The following RGS7 variants were observed in gnomAD, a reference collection of about 807,000 sequenced individuals.
The protein encoded by RGS7 is regulator of G-protein signaling 7.
A neutral mutation model predicts 81.1 loss-of-function variants in RGS7; 27 were observed. That is an observed-to-expected ratio of 0.33 (90% CI 0.25 to 0.46). The LOEUF is 0.46. Ranked by LOEUF, RGS7 falls within the 20% of genes least tolerant of loss-of-function variation. RGS7 has a pLI of 1.00. For synonymous variants in RGS7, 208 were observed against 207.7 expected, an observed-to-expected ratio of 1.00 and a Z score of -0.01; for missense variants, 396 against 607.4, an observed-to-expected ratio of 0.65 and a Z score of 3.66.
At chr1:241,202,078 C>T (rs963161157) in intron 2 of RGS7, among the ~76,000 whole-genome samples, 2 of 150,622 alleles carry the variant, frequency 1.3e-5, no homozygotes, top group African/African-American at 4.9e-5. Flanking sequence ...ACTTCCACAA[C>T]AGTTTGACTC....
intron 2 of RGS7, among the ~76,000 whole-genome samples, chr1:241,174,895 G>GTTTTTTTTTTTT (rs551122102): frequency 4.3e-5 from 3 of 69,230 alleles, no homozygotes; most frequent in East Asian, 5.2e-4. Context: ...ACAGAATTTT[G>GTTTTTTTTTTTT]TTTTTTTTTT....
At chr1:240,994,578 G>A (rs1686989346) in intron 3 of RGS7, among the ~76,000 whole-genome samples, 1 of 151,948 alleles carries the variant, frequency 6.6e-6, no homozygotes, top group East Asian at 1.9e-4. Context: ...CAGATATTTT[G>A]GGATTTAACA....
chr1:240,995,307 C>T (rs556260421), intron 3 of RGS7, among the ~76,000 whole-genome samples: 14 of 152,114 alleles, frequency 9.2e-5, no homozygotes, highest in East Asian at 5.8e-4. Flanking sequence ...CTTTTCTCTA[C>T]GTTATTTTTC....
At chr1:241,098,428 CT>C (rs2064456455) in intron 3 of RGS7, among the ~76,000 whole-genome samples, 1 of 152,152 alleles carries the variant, frequency 6.6e-6, no homozygotes, top group Admixed American at 6.5e-5. Flanking sequence ...TATTGTTTTA[CT>C]TCGCATTTGT....
At chr1:240,802,646 A>C (rs1208436087) in intron 16 of RGS7, among the ~76,000 whole-genome samples, 2 of 152,180 alleles carry the variant, frequency 1.3e-5, no homozygotes, top group Non-Finnish European at 2.9e-5. Context: ...GACTAACATG[A>C]AACATGAAAA....
chr1:240,831,843 G>A (rs1310029929), intron 9 of RGS7, among the ~76,000 whole-genome samples: 1 of 151,978 alleles, frequency 6.6e-6, no homozygotes, highest in Non-Finnish European at 1.5e-5. Context: ...TGCCATGTTG[G>A]CCAGGCTGGT....
intron 2 of RGS7, among the ~76,000 whole-genome samples, chr1:241,180,074 C>T (rs57657143): frequency 0.44 from 67,290 of 151,878 alleles, 15,204 homozygotes; most frequent in Middle Eastern, 0.47. Flanking sequence ...AGTGGAATCT[C>T]TGATAAACAC....
chr1:241,204,936 G>A (rs1468328646), intron 2 of RGS7, among the ~76,000 whole-genome samples: 1 of 152,022 alleles, frequency 6.6e-6, no homozygotes, highest in East Asian at 1.9e-4. Flanking sequence ...ATACACATAT[G>A]TATATGTATA....
At chr1:241,230,968 T>G (rs1558215141) in intron 2 of RGS7, among the ~76,000 whole-genome samples, 1 of 152,168 alleles carries the variant, frequency 6.6e-6, no homozygotes, top group Non-Finnish European at 1.5e-5. Flanking sequence ...CTTTTCAAGT[T>G]TTACCTCTGA....
chr1:241,356,038 G>C (rs2083541731), intron 1 of RGS7, among the ~76,000 whole-genome samples: 1 of 152,184 alleles, frequency 6.6e-6, no homozygotes, highest in Non-Finnish European at 1.5e-5. Flanking sequence ...GGTAGAAATA[G>C]CCATTTGGTT....
At chr1:241,230,688 AAGAGAGGACAG>A (rs2075606830) in intron 2 of RGS7, among the ~76,000 whole-genome samples, 1 of 147,794 alleles carries the variant, frequency 6.8e-6, no homozygotes, top group South Asian at 2.1e-4. Flanking sequence ...GACGCAGGGA[AAGAGAGGACAG>A]GAAGAAGGCT....
intron 2 of RGS7, among the ~76,000 whole-genome samples, chr1:241,212,649 C>A (rs975795293): frequency 6.6e-6 from 1 of 152,184 alleles, no homozygotes; most frequent in East Asian, 1.9e-4. Flanking sequence ...CCTTGGATAT[C>A]ATTCAGACCC....
At chr1:240,959,933 G>T (rs942987340) in intron 4 of RGS7, among the ~76,000 whole-genome samples, 8 of 152,082 alleles carry the variant, frequency 5.3e-5, no homozygotes, top group Non-Finnish European at 1.0e-4. Context: ...GCTGAGGTGG[G>T]TGGTTCACCT....
intron 3 of RGS7, among the ~76,000 whole-genome samples, chr1:241,042,233 G>A (rs2060662140): frequency 6.6e-6 from 1 of 152,064 alleles, no homozygotes; most frequent in Admixed American, 6.6e-5. Context: ...GATATTTCAT[G>A]CATGCTGTAG....
rs544863585 is a variant in RGS7, at chr1:240,874,240, A to T, written c.386-4121T>A. On this transcript the variant is annotated intron_variant, in intron 6 of 18. Coordinates refer to ENST00000440928, the MANE Select transcript of RGS7 (RefSeq NM_001364886.1). The stretch of plus-strand genomic sequence containing the variant: ...GCTGTTTATAAACAAAACAAAACAA[A>T]AGGGTACCAAGTTATTAATGAGAAT... 2.4e-3 allele frequency among the ~76,000 whole-genome samples: 372 copies of T among 152,296 alleles called. 4 individuals carry two copies. Among genetic ancestry groups the T allele is most frequent in the African/African-American group, 8.3e-3 (343 of 41,542 alleles).
chr1:241,302,506 G>T (rs1031232682), intron 2 of RGS7, among the ~76,000 whole-genome samples: 2 of 152,086 alleles, frequency 1.3e-5, no homozygotes, highest in Non-Finnish European at 2.9e-5. Flanking sequence ...CCAAGATCAC[G>T]CCACTGCACT....
At chr1:240,932,477 A>G (rs867607610) in intron 5 of RGS7, among the ~76,000 whole-genome samples, 65 of 150,552 alleles carry the variant, frequency 4.3e-4, no homozygotes, top group Admixed American at 3.3e-4. Context: ...CTAGGGGGAC[A>G]AAGTAGTTAA....
chr1:241,211,960 A>T (rs1489634861), intron 2 of RGS7, among the ~76,000 whole-genome samples: 2 of 152,098 alleles, frequency 1.3e-5, no homozygotes, highest in African/African-American at 4.8e-5. Context: ...CATTACTAAC[A>T]ATTACATTAT....
chr1:241,326,125 GAT>G (rs2081477646), intron 2 of RGS7, among the ~76,000 whole-genome samples: 1 of 152,106 alleles, frequency 6.6e-6, no homozygotes, highest in Admixed American at 6.5e-5. Flanking sequence ...CCCCGCCTAG[GAT>G]GTGTACTCAA....
Sources: allele counts gnomAD v4.1 joint callset (sites outside exome capture counted in the v4.1 genomes callset), GRCh38; gene constraint gnomAD v4.1.1; transcripts MANE v1.5; gene names NCBI Gene and HGNC (gene_info 2026-07-23, HGNC 2026-07-21).